ARB2A: variants seen among roughly 807,000 people sequenced by gnomAD.
ARB2A encodes ARB2 cotranscriptional regulator A, also known as cotranscriptional regulator ARB2A.
the ARB2A span, among the ~76,000 whole-genome samples, chr5:93,628,571 G>A: frequency 6.6e-6 from 1 of 152,144 alleles, no homozygotes; most frequent in Non-Finnish European, 1.5e-5. Flanking sequence ...CTGTTATTTA[G>A]TGTAGCCACC....
At chr5:93,706,671 T>C in the ARB2A span, among the ~76,000 whole-genome samples, 2 of 152,130 alleles carry the variant, frequency 1.3e-5, no homozygotes, top group South Asian at 4.2e-4. Flanking sequence ...ATTGAGACCA[T>C]CCTGGCCAAC....
chr5:94,098,312 T>C, the ARB2A span, among the ~76,000 whole-genome samples: 3 of 152,038 alleles, frequency 2.0e-5, no homozygotes, highest in African/African-American at 7.2e-5. Context: ...AATAAAAATA[T>C]AAGTCAACAC....
chr5:93,851,739 T>A, the ARB2A span, among the ~76,000 whole-genome samples: 1 of 152,160 alleles, frequency 6.6e-6, no homozygotes, highest in South Asian at 2.1e-4. Flanking sequence ...TTACTGAGAA[T>A]GATGATTTCC....
chr5:93,992,378 A>G, the ARB2A span, among the ~76,000 whole-genome samples: 1 of 152,180 alleles, frequency 6.6e-6, no homozygotes, highest in South Asian at 2.1e-4. Context: ...ATCATTTTCT[A>G]TGAAGATAAA....
the ARB2A span, among the ~76,000 whole-genome samples, chr5:93,826,463 C>G: frequency 1.5e-4 from 23 of 152,276 alleles, no homozygotes; most frequent in East Asian, 9.6e-4. Context: ...ATGGTCATTT[C>G]CTTCTGTATG....
the ARB2A span, among the ~76,000 whole-genome samples, chr5:93,922,664 AAGGGAGGG>A: frequency 6.3e-5 from 2 of 31,784 alleles, no homozygotes; most frequent in Admixed American, 5.2e-4. Flanking sequence ...GGGAGGGAGG[AAGGGAGGG>A]AGGGAGGGAG....
the ARB2A span, among the ~76,000 whole-genome samples, chr5:94,053,752 G>A: frequency 6.6e-6 from 1 of 152,056 alleles, no homozygotes. Flanking sequence ...AAAAAACTCT[G>A]TCAAGGAGTT....
At chr5:94,109,221 A>G in the ARB2A span, among the ~76,000 whole-genome samples, 1 of 152,234 alleles carries the variant, frequency 6.6e-6, no homozygotes, top group Non-Finnish European at 1.5e-5. Context: ...TGAGGTACCT[A>G]GAGTAGTCAA....
the ARB2A span, among the ~76,000 whole-genome samples, chr5:94,024,333 C>T: frequency 6.6e-6 from 1 of 152,170 alleles, no homozygotes; most frequent in Non-Finnish European, 1.5e-5. Flanking sequence ...TGCCTTTGGA[C>T]TCAAACTGCA....
At chr5:93,914,188 T>C in the ARB2A span, among the ~76,000 whole-genome samples, 1 of 151,990 alleles carries the variant, frequency 6.6e-6, no homozygotes, top group South Asian at 2.1e-4. Context: ...TGGGAATCTG[T>C]AGATTTTCCT....
the ARB2A span, among the ~76,000 whole-genome samples, chr5:93,961,788 T>C: frequency 2.6e-5 from 4 of 152,190 alleles, no homozygotes; most frequent in Non-Finnish European, 4.4e-5. Context: ...ATTAAAGTTT[T>C]ACTTGAATAC....
chr5:94,013,505 T>A, the ARB2A span, among the ~76,000 whole-genome samples: 2 of 152,042 alleles, frequency 1.3e-5, no homozygotes, highest in African/African-American at 4.8e-5. Flanking sequence ...TGCCATCCTG[T>A]AAACTCAAGA....
chr5:94,110,322 T>G, the ARB2A span, among the ~76,000 whole-genome samples: 1 of 152,232 alleles, frequency 6.6e-6, no homozygotes, highest in Non-Finnish European at 1.5e-5. Context: ...CTGAACACTA[T>G]CCGGCACACT....
the ARB2A span, among the ~76,000 whole-genome samples, chr5:94,063,493 T>C: frequency 1.3e-5 from 2 of 151,978 alleles, no homozygotes; most frequent in African/African-American, 2.4e-5. Context: ...CAAGAACCCA[T>C]CCACTGGCCT....
the ARB2A span, among the ~76,000 whole-genome samples, chr5:93,923,024 A>G: frequency 4.6e-5 from 7 of 152,052 alleles, no homozygotes; most frequent in East Asian, 1.2e-3. Flanking sequence ...CTTCCTTTCT[A>G]TCTCCTGCAC....
the ARB2A span, among the ~76,000 whole-genome samples, chr5:94,102,095 C>A: frequency 1.3e-5 from 2 of 148,552 alleles, no homozygotes; most frequent in African/African-American, 2.5e-5. Context: ...ATTAATAATT[C>A]CAAAGTAAAA....
the ARB2A span, among the ~76,000 whole-genome samples, chr5:93,880,509 T>C: frequency 2.0e-4 from 30 of 151,802 alleles, no homozygotes; most frequent in African/African-American, 6.8e-4. Context: ...TATCCTATTG[T>C]ATAATTTATA....
At chr5:93,714,546 A>T in the ARB2A span, among the ~76,000 whole-genome samples, 1 of 152,048 alleles carries the variant, frequency 6.6e-6, no homozygotes, top group African/African-American at 2.4e-5. Flanking sequence ...ATCTTAGATT[A>T]AAAAAAATTA....
chr5:93,671,347 T>A, the ARB2A span, among the ~76,000 whole-genome samples: 326 of 152,220 alleles, frequency 2.1e-3, no homozygotes, highest in African/African-American at 7.5e-3. Flanking sequence ...TTTTTTTGAA[T>A]ACATGAAGTA....
Sources: allele counts gnomAD v4.1 joint callset (sites outside exome capture counted in the v4.1 genomes callset), GRCh38; gene constraint gnomAD v4.1.1; transcripts MANE v1.5; gene names NCBI Gene and HGNC (gene_info 2026-07-23, HGNC 2026-07-21).